Variants in MICALL2 observed in about 807,000 individuals in gnomAD.
MICALL2 encodes MICAL like 2, also known as MICAL-like protein 2.
In MICALL2, 111 loss-of-function variants were observed where a neutral mutation model predicts 91.1. That is an observed-to-expected ratio of 1.22 (90% CI 1.04 to 1.43). The LOEUF (loss-of-function observed/expected upper bound fraction) is 1.43. MICALL2 is among the 40% of genes most tolerant of loss of function. MICALL2 has a pLI of 0.00. For missense variants in MICALL2, 1,556 were observed against 1,236.0 expected (o/e 1.26, Z -3.88); for synonymous variants, 694 against 525.3 (o/e 1.32, Z -4.39).
intron 6 of MICALL2, among the ~76,000 whole-genome samples, chr7:1,442,906 G>A (rs978528964): frequency 6.6e-6 from 1 of 152,256 alleles, no homozygotes; most frequent in African/African-American, 2.4e-5. Context: ...TGGGCTGCCA[G>A]GTTCAGTCCC....
In MICALL2 at chr7:1,444,800, A is replaced by G. The variant is rs1301576797; in HGVS notation, c.1270T>C (p.Ser424Pro). ...QQARNKFFQT[S>P]AVPPGTSLSG... ...AGGCTGGTGCCGGGGGGCACTGCTG[A>G]TGTTTGGAAAAACTTATTCCGGGCC... The change falls in exon 6 of 17, where the codon TCA becomes CCA. Residue 424 changes from serine to proline, a missense_variant. Physicochemically the swap from Ser to Pro is moderately conservative, Grantham distance 74 (BLOSUM62 -1). Coordinates refer to ENST00000297508, the MANE Select transcript of MICALL2 (RefSeq NM_182924.4). 3.1e-6 allele frequency: 5 copies of G among 1,611,360 alleles called. No individual in the cohort carries two copies. Among genetic ancestry groups the G allele is most frequent in the Non-Finnish European group, 3.4e-6 (4 of 1,179,288 alleles).
chr7:1,435,519 T>TA (rs1295187265), intron 15 of MICALL2, among the ~76,000 whole-genome samples: 2 of 148,618 alleles, frequency 1.3e-5, no homozygotes, highest in African/African-American at 5.1e-5. Flanking sequence ...ACCACACAGG[T>TA]GATGTGGGAC....
intron 9 of MICALL2, chr7:1,439,555 C>T (rs1221752291): frequency 4.5e-6 from 1 of 224,566 alleles, no homozygotes; most frequent in Non-Finnish European, 8.6e-6. Context: ...CACACATGTA[C>T]ACATGCATCA....
rs1250893854 is a variant in MICALL2 at position 1,452,618 on chromosome 7, A to AG, written c.144-2331dup. On this transcript the variant is annotated intron_variant, in intron 1 of 16. Transcript: ENST00000297508. The surrounding 1 kb of genome is among the most constrained non-coding windows in gnomAD (Gnocchi z 6.2). ...TCCCGCACTTGTTTCCGTCCACCCCAGGGGCCAGCAGCGGCTCTGTCCAGT... is the reference window on the plus strand; with the variant it reads ...TCCCGCACTTGTTTCCGTCCACCCCAGGGGGCCAGCAGCGGCTCTGTCCAGT... Among the ~76,000 whole-genome samples the AG allele has an allele frequency of 3.4e-4, 52 of 152,166 alleles. No individual in the cohort carries two copies. Among genetic ancestry groups the AG allele is most frequent in the Non-Finnish European group, 2.9e-5 (2 of 67,974 alleles).
At chr7:1,458,876 G>A (rs1263295352) in intron 1 of MICALL2, among the ~76,000 whole-genome samples, 3 of 152,238 alleles carry the variant, frequency 2.0e-5, no homozygotes, top group African/African-American at 7.2e-5. Flanking sequence ...GCCCAAAGAG[G>A]CAGCTCTGCT....
At chr7:1,446,934 GC>G (rs139483599) in intron 4 of MICALL2, 106 bp from the exon 5 acceptor site, 70,167 of 801,294 alleles carry the variant, frequency 0.088, 3,955 homozygotes, top group Admixed American at 0.23. Context: ...TGGAGAACTG[GC>G]CAGGAGAGGA....
intron 9 of MICALL2, chr7:1,439,678 T>C (rs1178666216): frequency 4.9e-6 from 2 of 411,124 alleles, no homozygotes; most frequent in African/African-American, 4.2e-5. Flanking sequence ...AACACAGATG[T>C]ACACATGCGC....
At position 1,451,913 on chromosome 7, in the gene MICALL2, C is replaced by T. The variant is rs1302824446; in HGVS notation, c.144-1625G>A. On this transcript the variant is annotated intron_variant, in intron 1 of 16. Coordinates refer to ENST00000297508, the MANE Select transcript of MICALL2 (RefSeq NM_182924.4). The surrounding 1 kb of genome is among the most constrained non-coding windows in gnomAD (Gnocchi z 4.5). ...CCATAAGAATGCTCCGAGGCCCGGA[C>T]AGTGAGCCCATTTCACCTGTTTCAC... Among the ~76,000 whole-genome samples, 1 of 152,232 alleles carries T rather than the reference C, an allele frequency of 6.6e-6. No homozygotes were observed. The highest frequency in any genetic ancestry group is 1.5e-5 in the Non-Finnish European group (1 of 68,040).
intron 8 of MICALL2, chr7:1,440,302 A>G (rs1780217350): frequency 3.1e-6 from 2 of 652,094 alleles, no homozygotes; most frequent in African/African-American, 1.8e-5. Flanking sequence ...TCCAGGCGTG[A>G]GCTCCGGGCC....
chr7:1,442,343 C>T lies in MICALL2; in HGVS notation c.1560G>A (p.Leu520=), dbSNP rs143963388. ...ATGCCTGAGAGGTACTGCTCGTGCTCAGCGGGGCTGGCGGTTCCATCCTCG... is the reference window on the plus strand; with the variant it reads ...ATGCCTGAGAGGTACTGCTCGTGCTTAGCGGGGCTGGCGGTTCCATCCTCG... ...LPSRMEPPAP[L]STSSTSQASA... Residue 520 remains leucine (L), a synonymous_variant, in exon 7 of 17, where the codon CTG becomes CTA. Coordinates refer to ENST00000297508, the MANE Select transcript of MICALL2 (RefSeq NM_182924.4). 1.1e-4 allele frequency: 180 copies of T among 1,612,942 alleles called. No individual in the cohort carries two copies. In the African/African-American group the frequency reaches 2.3e-3, roughly 21 times the overall value.
Position 1,447,761 on chromosome 7 carries a change from C to A in MICALL2, c.339G>T (p.Gly113=). 6.5e-7 allele frequency: 1 copy of A among 1,533,492 alleles called. No homozygotes were observed. Among genetic ancestry groups the A allele is most frequent in the South Asian group, 1.2e-5 (1 of 80,136 alleles). The allele number at this position is 1,533,492 out of a possible 1,614,324, so 95.0% of individuals were successfully genotyped here. ...AGGCCCTCTTCACGCCTGCCATGCCCCCAACTGGAGGAATCAAGCAGGGAT... is the reference window on the plus strand; with the variant it reads ...AGGCCCTCTTCACGCCTGCCATGCCACCAACTGGAGGAATCAAGCAGGGAT... ...YNYFHGRSPI[G]GMAGVKRASE... is the part of the protein sequence containing the mutation. The change falls in exon 4 of 17, where the codon GGG becomes GGT. Residue 113 remains glycine (G), a synonymous_variant. Coordinates refer to ENST00000297508, the MANE Select transcript of MICALL2 (RefSeq NM_182924.4).
intron 9 of MICALL2, chr7:1,439,598 CAT>C (rs1383330552): frequency 3.7e-6 from 1 of 270,442 alleles, no homozygotes; most frequent in African/African-American, 2.9e-5. Flanking sequence ...CATGAATACA[CAT>C]GCATCACACA....
chr7:1,449,060 C>T (rs1780722718), intron 2 of MICALL2, among the ~76,000 whole-genome samples: 1 of 152,258 alleles, frequency 6.6e-6, no homozygotes, highest in South Asian at 2.1e-4. Context: ...CCCCACCCAA[C>T]CCAGACTTAC....
At chr7:1,445,558 C>T (rs1480292099) in intron 5 of MICALL2, 130 bp from the exon 6 acceptor site, 1 of 834,860 alleles carries the variant, frequency 1.2e-6, no homozygotes, top group Non-Finnish European at 1.8e-6. Flanking sequence ...GCCCGCCCCG[C>T]CACGCATTCA....
chr7:1,457,179 C>T (rs567761532), intron 1 of MICALL2, among the ~76,000 whole-genome samples: 1 of 152,226 alleles, frequency 6.6e-6, no homozygotes, highest in Non-Finnish European at 1.5e-5. Context: ...ACCTACTAAG[C>T]TCCTACCATA....
At chr7:1,448,817 C>G (rs964014972) in intron 2 of MICALL2, 56 bp from the exon 3 acceptor site, 90 of 1,596,056 alleles carry the variant, frequency 5.6e-5, no homozygotes, top group East Asian at 2.2e-4. Flanking sequence ...CCTTCTCCAC[C>G]AGGCCGCAGC....
intron 1 of MICALL2, chr7:1,450,555 C>T (rs1384367791): frequency 2.3e-6 from 1 of 438,214 alleles, no homozygotes; most frequent in Non-Finnish European, 4.2e-6. Context: ...CTCACCAGTG[C>T]TCCTGCCACA....
intron 6 of MICALL2, 113 bp downstream of exon 6, chr7:1,444,539 C>T: frequency 9.1e-7 from 1 of 1,096,416 alleles, no homozygotes; most frequent in Non-Finnish European, 1.3e-6. Context: ...AGTGCAGTCC[C>T]CAAGGCCACA....
At chr7:1,439,638 T>C (rs67330903) in intron 9 of MICALL2, 60,800 of 352,480 alleles carry the variant, frequency 0.17, 5,825 homozygotes, top group African/African-American at 0.27. Flanking sequence ...CACATGGACA[T>C]GCATCACGTG....
Sources: gnomAD v4.1 joint callset for allele counts (sites outside exome capture counted in the v4.1 genomes callset) on GRCh38, gnomAD v4.1.1 for gene constraint, Gnocchi (gnomAD v3.1) non-coding constraint, MANE v1.5 for transcripts, NCBI Gene and HGNC (gene_info 2026-07-23, HGNC 2026-07-21) for gene names.